The following NFATC3 variants were observed in gnomAD, a reference collection of about 807,000 sequenced individuals.
The protein encoded by NFATC3 is nuclear factor of activated T cells 3, also known as nuclear factor of activated T-cells, cytoplasmic 3.
Under a neutral mutation model 98.6 loss-of-function variants are expected in NFATC3, and 46 were observed. The ratio of observed to expected loss-of-function variants is 0.47; its 90% CI spans 0.37 to 0.60. The LOEUF (loss-of-function observed/expected upper bound fraction) is 0.60. Ranked by LOEUF, NFATC3 falls within the 20% of genes least tolerant of loss-of-function variation. NFATC3 has a pLI of 0.00. For missense variants in NFATC3, 1,256 were observed against 1,295.5 expected (o/e 0.97, Z 0.47); for synonymous variants, 512 against 472.2 (o/e 1.08, Z -1.09).
intron 5 of NFATC3, among the ~76,000 whole-genome samples, chr16:68,173,175 T>C (rs1369049713): frequency 1.3e-5 from 2 of 151,870 alleles, no homozygotes; most frequent in African/African-American, 4.8e-5. Flanking sequence ...GGTGGGAGTA[T>C]TGCTTGAGCC....
At chr16:68,086,296 T>G (rs967863531) in intron 1 of NFATC3, among the ~76,000 whole-genome samples, 26 of 152,198 alleles carry the variant, frequency 1.7e-4, no homozygotes, top group African/African-American at 6.3e-4. Flanking sequence ...TCGTGCAAGT[T>G]TATGACCCAC....
Position 68,184,599 on chromosome 16 carries a change from C to T in NFATC3, c.2098+1233C>T, listed in dbSNP as rs574051910. 6.9e-3 allele frequency among the ~76,000 whole-genome samples: 1,054 copies of T among 151,996 alleles called. 17 individuals are homozygous for T. Among genetic ancestry groups the T allele is most frequent in the African/African-American group, 0.024 (982 of 41,442 alleles). ...TGGGTGGATCACGAGGTCAGGAGATCGAGACCATCCTGGCTAACATGGTGA... is the reference window on the plus strand; with the variant it reads ...TGGGTGGATCACGAGGTCAGGAGATTGAGACCATCCTGGCTAACATGGTGA... On this transcript the variant is annotated intron_variant, in intron 8 of 9. Transcript: ENST00000346183.
chr16:68,217,762 GA>G, intron 9 of NFATC3: 1 of 1,231,662 alleles, frequency 8.1e-7, no homozygotes, highest in East Asian at 3.2e-5. Context: ...TTAGCCCGAG[GA>G]AGGGATGGGA....
chr16:68,217,833 T>C, intron 9 of NFATC3: 11 of 1,230,786 alleles, frequency 8.9e-6, no homozygotes, highest in Non-Finnish European at 1.1e-5. Flanking sequence ...TCGCTTTTGC[T>C]CACATTTCAT....
chr16:68,171,100 T>C (rs1305827714), intron 5 of NFATC3, among the ~76,000 whole-genome samples: 1 of 151,912 alleles, frequency 6.6e-6, no homozygotes. Flanking sequence ...CTCTGCCTCC[T>C]GGGTTCAAAC....
At chr16:68,112,450 G>A (rs1176943338) in intron 1 of NFATC3, among the ~76,000 whole-genome samples, 1 of 150,786 alleles carries the variant, frequency 6.6e-6, no homozygotes, top group African/African-American at 2.4e-5. Flanking sequence ...GCTGATTTTT[G>A]TATTTTTAGT....
At chr16:68,189,920 G>C (rs1038678251) in intron 8 of NFATC3, among the ~76,000 whole-genome samples, 6 of 152,152 alleles carry the variant, frequency 3.9e-5, no homozygotes, top group Non-Finnish European at 7.3e-5. Flanking sequence ...ACATGAGCAT[G>C]GTGGCGCACG....
intron 9 of NFATC3, among the ~76,000 whole-genome samples, chr16:68,222,878 C>T (rs1412128657): frequency 2.6e-5 from 4 of 152,148 alleles, no homozygotes; most frequent in African/African-American, 4.8e-5. Context: ...CATCCTTGTG[C>T]TCCCTCTTAG....
intron 9 of NFATC3, among the ~76,000 whole-genome samples, chr16:68,220,181 G>A (rs1263494176): frequency 1.3e-5 from 2 of 152,152 alleles, no homozygotes; most frequent in South Asian, 2.1e-4. Flanking sequence ...CCTTATTGAG[G>A]ACTGTTCACT....
chr16:68,120,114 C>CAAAAA (rs536178978), intron 1 of NFATC3, among the ~76,000 whole-genome samples: 1 of 57,928 alleles, frequency 1.7e-5, no homozygotes, highest in African/African-American at 6.1e-5. Context: ...CCTGTCTCTA[C>CAAAAA]AAAAAAAAAA....
chr16:68,100,224 G>A (rs1053381609), intron 1 of NFATC3, among the ~76,000 whole-genome samples: 2 of 151,398 alleles, frequency 1.3e-5, no homozygotes, highest in Non-Finnish European at 2.9e-5. Flanking sequence ...TTTTTTTCTG[G>A]TATAAATACC....
In NFATC3 at chr16:68,191,496, C is replaced by T; in HGVS notation, c.2827C>T (p.Pro943Ser). ...PLASSPLSGPPSPQLQPMPYQ... is the reference protein window; with the variant it reads ...PLASSPLSGPSSPQLQPMPYQ... ...GGCTAGTTCACCGCTTTCTGGGCCA[C>T]CATCTCCTCAGCTTCAGCCTATGCC... is the stretch of plus-strand genomic sequence containing the variant. The change falls in exon 9 of 10, where the codon CCA becomes TCA. Residue 943 changes from proline to serine, a missense_variant. Physicochemically the swap from Pro to Ser is moderately conservative, Grantham distance 74 (BLOSUM62 -1). This residue lies in a region of NFATC3 where 636 missense variants were observed against 617.3 expected (regional missense o/e 1.03). Coordinates refer to ENST00000346183, the MANE Select transcript of NFATC3 (RefSeq NM_173165.3). The T allele has an allele frequency of 6.2e-7, 1 of 1,614,134 alleles. No individual in the cohort carries two copies. The highest frequency in any genetic ancestry group is 8.5e-7 in the Non-Finnish European group (1 of 1,180,034).
chr16:68,085,901 C>A, intron 1 of NFATC3, 117 bp downstream of exon 1: 2 of 660,790 alleles, frequency 3.0e-6, no homozygotes, highest in Non-Finnish European at 4.5e-6. Flanking sequence ...TGTGTGTGTG[C>A]GCGCGCGTGT....
At chr16:68,135,651 A>G (rs2037364122) in intron 3 of NFATC3, among the ~76,000 whole-genome samples, 1 of 152,080 alleles carries the variant, frequency 6.6e-6, no homozygotes, top group Non-Finnish European at 1.5e-5. Context: ...CCTGGTGAAA[A>G]TGCTCATTTT....
At chr16:68,105,553 A>G (rs1367031638) in intron 1 of NFATC3, among the ~76,000 whole-genome samples, 1 of 152,106 alleles carries the variant, frequency 6.6e-6, no homozygotes, top group African/African-American at 2.4e-5. Flanking sequence ...TTTTGTGTTT[A>G]TATTCATACG....
chr16:68,150,120 T>G (rs994469760), intron 3 of NFATC3, among the ~76,000 whole-genome samples: 3 of 152,208 alleles, frequency 2.0e-5, no homozygotes, highest in Non-Finnish European at 4.4e-5. Flanking sequence ...CAAAACATTA[T>G]TATAAACCTT....
chr16:68,105,775 A>G (rs542878035), intron 1 of NFATC3, among the ~76,000 whole-genome samples: 1 of 151,886 alleles, frequency 6.6e-6, no homozygotes, highest in East Asian at 1.9e-4. Flanking sequence ...GAGGTCTGAG[A>G]TTTTCTTTTT....
At chr16:68,195,068 C>T (rs184015922) in intron 9 of NFATC3, among the ~76,000 whole-genome samples, 5 of 150,998 alleles carry the variant, frequency 3.3e-5, no homozygotes, top group African/African-American at 1.2e-4. Context: ...GTCTGGTCAA[C>T]ATGGTGAAAC....
At chr16:68,165,016 T>G (rs1327330859) in intron 4 of NFATC3, among the ~76,000 whole-genome samples, 1 of 152,228 alleles carries the variant, frequency 6.6e-6, no homozygotes, top group Non-Finnish European at 1.5e-5. Flanking sequence ...TTTAAGAGTT[T>G]TCAGATGTAC....
Sources: gnomAD v4.1 joint callset for allele counts (sites outside exome capture counted in the v4.1 genomes callset) on GRCh38, gnomAD v4.1.1 for gene constraint, gnomAD v4.1.1 regional missense constraint, MANE v1.5 for transcripts, NCBI Gene and HGNC (gene_info 2026-07-23, HGNC 2026-07-21) for gene names.